The following PODNL1 variants were observed in gnomAD, a reference collection of about 807,000 sequenced individuals.
PODNL1 encodes podocan like 1.
Under a neutral mutation model 45.1 loss-of-function variants are expected in PODNL1, and 50 were observed. That is an observed-to-expected ratio of 1.11 (90% CI 0.88 to 1.40). The LOEUF is 1.40. Among genes scored for constraint, PODNL1 ranks in the 40% most tolerant of loss-of-function variants. The probability of loss-of-function intolerance (pLI) is 0.00; values close to 1 mark genes in which losing one functional copy is unlikely to be tolerated. For synonymous variants in PODNL1, 406 were observed against 372.5 expected, an observed-to-expected ratio of 1.09 and a Z score of -1.04; for missense variants, 788 against 793.3, an observed-to-expected ratio of 0.99 and a Z score of 0.08.
At position 13,934,258 on chromosome 19, in the gene PODNL1, AGGT is replaced by A; in HGVS notation, c.644_646del (p.His215del). 1 of 1,505,808 alleles carries A rather than the reference AGGT, an allele frequency of 6.6e-7. No homozygotes were observed. Among genetic ancestry groups the A allele is most frequent in the South Asian group, 1.4e-5 (1 of 73,688 alleles). 93.3% of individuals were successfully genotyped at this position (1,505,808 alleles called of 1,614,324 possible). A position where few individuals can be genotyped will look rare whatever the true frequency, so the allele number is the denominator to read the frequency against. ...TGGGACCTACAGCAGGGCTACCTGC[AGGT>A]GGAGCCGCTCGAGTGAGGGCGGCAG... On this transcript the variant is annotated inframe_deletion, in exon 6 of 10. Transcript: ENST00000588872.
At chr19:13,947,560 C>T (rs1972865200) in intron 1 of PODNL1, among the ~76,000 whole-genome samples, 1 of 151,566 alleles carries the variant, frequency 6.6e-6, no homozygotes, top group Non-Finnish European at 1.5e-5. Flanking sequence ...TGGGGAATTA[C>T]TTGATTTGGG....
chr19:13,939,431 C>T (rs1455203784), upstream of PODNL1, among the ~76,000 whole-genome samples: 3 of 152,010 alleles, frequency 2.0e-5, no homozygotes, highest in Non-Finnish European at 4.4e-5. Flanking sequence ...AGGCTGGTCT[C>T]GAACTCCTGA....
At chr19:13,935,459 G>A (rs575060887) in intron 5 of PODNL1, among the ~76,000 whole-genome samples, 19 of 152,104 alleles carry the variant, frequency 1.2e-4, no homozygotes, top group African/African-American at 4.1e-4. Flanking sequence ...CCTGAGTGGC[G>A]GGGATTACAG....
upstream of PODNL1, among the ~76,000 whole-genome samples, chr19:13,938,670 T>A (rs1972540245): frequency 6.6e-6 from 1 of 152,058 alleles, no homozygotes; most frequent in Admixed American, 6.6e-5. Context: ...GCAGCCCAGA[T>A]GCCAGCCTGG....
Position 13,950,131 on chromosome 19 carries a change from G to C in PODNL1, c.18+2988C>G, listed in dbSNP as rs149033640. ...GATCTGCCCACCTCAGCCTCCCAAA[G>C]TGCTGGGATTACAGTCGTGATCCAC... On this transcript the variant is annotated intron_variant, in intron 1 of 7. Transcript: ENST00000538371. 2.6e-5 allele frequency among the ~76,000 whole-genome samples: 4 copies of C among 151,910 alleles called. No individual in the cohort carries two copies. In the East Asian group the frequency reaches 5.8e-4, roughly 22 times the overall value.
intron 1 of PODNL1, chr19:13,952,524 C>G: frequency 8.0e-7 from 1 of 1,250,676 alleles, no homozygotes; most frequent in Non-Finnish European, 1.0e-6. Flanking sequence ...TGGCGCCCAG[C>G]TCGAAATCGG....
chr19:13,937,965 CGGGGGCCCCGGCAACAGCA>C lies in PODNL1; in HGVS notation c.26_44del (p.Leu9ArgfsTer136). ...CAGCGTCTTCCAAGCCGGCGACGGGCGGGGGCCCCGGCAACAGCAGGAGCAGCAGCAGGCTCGGCCACTG... is the reference window on the plus strand; with the variant it reads ...CAGCGTCTTCCAAGCCGGCGACGGGCGGAGCAGCAGCAGGCTCGGCCACTG... On this transcript the variant is annotated frameshift_variant, in exon 2 of 10. Coordinates refer to ENST00000588872, the MANE Select transcript of PODNL1 (RefSeq NM_001370095.3). LOFTEE classifies it high-confidence loss of function. 6.5e-7 allele frequency: 1 copy of C among 1,540,490 alleles called. No individual in the cohort carries two copies. The highest frequency in any genetic ancestry group is 8.8e-7 in the Non-Finnish European group (1 of 1,139,558).
Position 13,933,051 on chromosome 19 carries a change from C to T in PODNL1, c.1172G>A (p.Arg391His), listed in dbSNP as rs1681430807. ...NLAYNRLASA[R>H]VHHRAFRRLR... is the part of the protein sequence containing the mutation. ...CCGGCGGAAGGCCCGGTGGTGCACA[C>T]GGGCGCTGGCCAGGCGGTTATAGGC... The change falls in exon 8 of 10, where the codon CGT becomes CAT. Residue 391 changes from arginine to histidine, a missense_variant. Arg to His is a conservative substitution (Grantham distance 29). Around this residue, in one of 3 missense-constraint regions of PODNL1, gnomAD observed 762 missense variants for 750.9 expected, o/e 1.01. Coordinates refer to ENST00000588872, the MANE Select transcript of PODNL1 (RefSeq NM_001370095.3). The surrounding 1 kb of genome is among the most constrained non-coding windows in gnomAD (Gnocchi z 5.2). 21 of 1,536,206 alleles carry T rather than the reference C, an allele frequency of 1.4e-5. No homozygotes were observed. Among genetic ancestry groups the T allele is most frequent in the African/African-American group, 2.7e-5 (2 of 73,236 alleles).
intron 1 of PODNL1, among the ~76,000 whole-genome samples, chr19:13,950,161 C>G (rs567209057): frequency 6.6e-6 from 1 of 151,838 alleles, no homozygotes; most frequent in Non-Finnish European, 1.5e-5. Flanking sequence ...ATCCACCATG[C>G]CTGGCCTTGT....
chr19:13,935,664 C>T (rs926532852), intron 5 of PODNL1, 57 bp downstream of exon 5: 32 of 1,300,212 alleles, frequency 2.5e-5, no homozygotes, highest in South Asian at 2.2e-4. Context: ...CTCCTAGAAC[C>T]GGGGCATGAC....
chr19:13,940,394 A>C (rs1011937636), upstream of PODNL1, among the ~76,000 whole-genome samples: 9 of 149,916 alleles, frequency 6.0e-5, no homozygotes, highest in Non-Finnish European at 1.3e-4. Context: ...ACACTGTGAA[A>C]CCCCATCTCT....
chr19:13,932,968 C>A lies in PODNL1; in HGVS notation c.1255G>T (p.Gly419Cys), dbSNP rs1329115670. Residue 419 changes from glycine (G) to cysteine (C), a missense_variant, in exon 8 of 10, where the codon GGC becomes TGC. By Grantham distance (159) the Gly-to-Cys change is radical (BLOSUM62 -3). Around this residue, in one of 3 missense-constraint regions of PODNL1, gnomAD observed 762 missense variants for 750.9 expected, o/e 1.01. Transcript: ENST00000588872. ...AGGGTGCGCAGGCCAGTGGGCAGGC[C>A]CATGGGCAGCCGGGTTAGCTGATTC... Reference protein sequence around the residue: ...AGNQLTRLPMGLPTGLRTLQL... With the variant: ...AGNQLTRLPMCLPTGLRTLQL... 2 of 1,554,868 alleles carry A rather than the reference C, an allele frequency of 1.3e-6. No homozygotes were observed. The highest frequency in any genetic ancestry group is 1.4e-5 in the African/African-American group (1 of 73,700).
intron 1 of PODNL1, among the ~76,000 whole-genome samples, chr19:13,952,091 C>A (rs1771502304): frequency 6.6e-6 from 1 of 152,220 alleles, no homozygotes; most frequent in Non-Finnish European, 1.5e-5. Flanking sequence ...CCACCTGGAC[C>A]GGGCGCGGGC....
At chr19:13,943,309 A>G (rs1462449472), upstream of PODNL1, among the ~76,000 whole-genome samples, 1 of 152,016 alleles carries the variant, frequency 6.6e-6, no homozygotes, top group African/African-American at 2.4e-5. Context: ...AAAAGAAGAA[A>G]AAAGAAAGAA....
rs890911432 is a variant in PODNL1 at position 13,952,729 on chromosome 19, G to A, written c.18+390C>T. On this transcript the variant is annotated intron_variant, in intron 1 of 7. Coordinates refer to the PODNL1 transcript ENST00000538371. ...GCGGAGGGAGGAGGGCGTTCGCGGG[G>A]TGAGGGGTTGGGGGCGGGGCCCCAG... 4,196 of 1,032,238 alleles carry A rather than the reference G, an allele frequency of 4.1e-3. 18 individuals carry two copies. Among genetic ancestry groups the A allele is most frequent in the Admixed American group, 4.6e-3 (106 of 23,178 alleles). The allele number at this position is 1,032,238 out of a possible 1,614,324, so 63.9% of individuals were successfully genotyped here. A position where few individuals can be genotyped will look rare whatever the true frequency, so the allele number is the denominator to read the frequency against.
At chr19:13,936,291 C>T (rs569002471) in intron 3 of PODNL1, 76 bp downstream of exon 3, 41 of 1,372,432 alleles carry the variant, frequency 3.0e-5, no homozygotes, top group East Asian at 3.0e-4. Flanking sequence ...GCAGATGGGG[C>T]GGGGGAGGGG....
At chr19:13,951,452 T>G (rs1973025140) in intron 1 of PODNL1, among the ~76,000 whole-genome samples, 1 of 151,802 alleles carries the variant, frequency 6.6e-6, no homozygotes, top group Non-Finnish European at 1.5e-5. Context: ...CCTGGACAAC[T>G]TGGTGAAACT....
chr19:13,945,505 G>T (rs1972785967), intron 1 of PODNL1, among the ~76,000 whole-genome samples: 2 of 149,576 alleles, frequency 1.3e-5, no homozygotes, highest in African/African-American at 2.5e-5. Context: ...TTTTTTTTTT[G>T]AAATGGAGTC....
rs1485149642 is a variant in PODNL1, at chr19:13,937,932, G to A, written c.78C>T (p.Pro26=). 2.6e-6 allele frequency: 4 copies of A among 1,551,378 alleles called. No individual in the cohort carries two copies. In the African/African-American group the frequency reaches 4.1e-5, roughly 16 times the overall value. Residue 26 remains proline, a synonymous_variant, in exon 2 of 10, where the codon CCC becomes CCT. Coordinates refer to ENST00000588872, the MANE Select transcript of PODNL1 (RefSeq NM_001370095.3). ...GGGGCTGCAAGCTCTCCCCCAGGTG[G>A]GGGAAGGCAGCGTCTTCCAAGCCGG... The part of the protein sequence containing the change: ...PVAGLEDAAF[P]HLGESLQPLP...
Sources: allele counts gnomAD v4.1 joint callset (sites outside exome capture counted in the v4.1 genomes callset), GRCh38; gene constraint gnomAD v4.1.1; regional missense constraint gnomAD v4.1.1; non-coding constraint Gnocchi (gnomAD v3.1); transcripts MANE v1.5; gene names NCBI Gene and HGNC (gene_info 2026-07-23, HGNC 2026-07-21).